Variants in MAPK10 observed in about 807,000 individuals in gnomAD.
MAPK10 encodes the protein mitogen-activated protein kinase 10.
MAPK10 carries 25 observed loss-of-function variants against 59.3 expected under a neutral mutation model. The observed-to-expected ratio is 0.42, with a 90% CI of 0.31 to 0.59. The LOEUF is 0.59. Ranked by LOEUF, MAPK10 falls within the 20% of genes least tolerant of loss-of-function variation. MAPK10 has a pLI of 0.15. For synonymous variants in MAPK10, 190 were observed against 200.5 expected (o/e 0.95, Z 0.44); for missense variants, 351 against 568.9 (o/e 0.62, Z 3.90).
chr4:86,111,137 G>A (rs1282369317), intron 4 of MAPK10, among the ~76,000 whole-genome samples: 1 of 152,150 alleles, frequency 6.6e-6, no homozygotes, highest in Non-Finnish European at 1.5e-5. Context: ...TGAGATTATG[G>A]TGTTTTCTAG....
chr4:86,342,484 G>A (rs1725570332), intron 2 of MAPK10, among the ~76,000 whole-genome samples: 1 of 152,094 alleles, frequency 6.6e-6, no homozygotes, highest in South Asian at 2.1e-4. Context: ...AAAAGAACCT[G>A]GCAAACATTC....
intron 4 of MAPK10, among the ~76,000 whole-genome samples, chr4:86,157,151 A>G (rs1444918688): frequency 6.6e-6 from 1 of 152,016 alleles, no homozygotes; most frequent in Non-Finnish European, 1.5e-5. Flanking sequence ...GTAAGAAATA[A>G]AACAGTCCAA....
chr4:86,305,074 A>G (rs1009020838), intron 2 of MAPK10, among the ~76,000 whole-genome samples: 2 of 152,236 alleles, frequency 1.3e-5, no homozygotes, highest in Non-Finnish European at 2.9e-5. Context: ...CAAACAAAAA[A>G]TATATGGTAC....
chr4:86,369,158 C>A (rs977388005), intron 1 of MAPK10, among the ~76,000 whole-genome samples: 7 of 152,288 alleles, frequency 4.6e-5, no homozygotes, highest in South Asian at 4.1e-4. Context: ...TTCCTGCAAC[C>A]TTTAATGGGG....
intron 9 of MAPK10, among the ~76,000 whole-genome samples, chr4:86,076,151 G>T (rs147880740): frequency 2.0e-5 from 3 of 152,270 alleles, no homozygotes; most frequent in African/African-American, 7.2e-5. Context: ...GGAGTGACCC[G>T]ATTTTCCAGG....
chr4:86,172,863 A>G (rs957321064), intron 3 of MAPK10, among the ~76,000 whole-genome samples: 13 of 152,112 alleles, frequency 8.5e-5, no homozygotes, highest in African/African-American at 3.1e-4. Flanking sequence ...ACTTCCATTC[A>G]CAATTGCTAC....
chr4:86,558,291 A>G (rs1026963723), intron 1 of MAPK10, among the ~76,000 whole-genome samples: 1 of 152,130 alleles, frequency 6.6e-6, no homozygotes, highest in Non-Finnish European at 1.5e-5. Context: ...ATTTTCCATC[A>G]ATAGACAAGT....
intron 1 of MAPK10, among the ~76,000 whole-genome samples, chr4:86,537,223 A>T (rs1460925918): frequency 6.6e-6 from 1 of 152,204 alleles, no homozygotes; most frequent in Non-Finnish European, 1.5e-5. Flanking sequence ...GAACTGATCA[A>T]ATAAGTAAAA....
upstream of MAPK10, among the ~76,000 whole-genome samples, chr4:86,362,296 AC>A (rs2148985680): frequency 6.6e-6 from 1 of 152,202 alleles, no homozygotes; most frequent in South Asian, 2.1e-4. Flanking sequence ...TGAATTGTAC[AC>A]CTCAACATAA....
At chr4:86,406,764 G>C (rs1744412957) in intron 1 of MAPK10, among the ~76,000 whole-genome samples, 1 of 152,212 alleles carries the variant, frequency 6.6e-6, no homozygotes. Context: ...TGACAGGCTG[G>C]ACAGGAGAAC....
intron 2 of MAPK10, among the ~76,000 whole-genome samples, chr4:86,302,045 C>A (rs1162447390): frequency 6.6e-6 from 1 of 151,698 alleles, no homozygotes; most frequent in Non-Finnish European, 1.5e-5. Context: ...AAAAAAAAAT[C>A]CAGTTGCAAT....
At chr4:86,301,100 C>T (rs2095464686) in intron 2 of MAPK10, among the ~76,000 whole-genome samples, 2 of 152,014 alleles carry the variant, frequency 1.3e-5, no homozygotes, top group Admixed American at 1.3e-4. Flanking sequence ...TCACAGTATT[C>T]CTGGCCTCTA....
At chr4:86,494,719 T>G (rs1440495439) in intron 1 of MAPK10, among the ~76,000 whole-genome samples, 2 of 151,634 alleles carry the variant, frequency 1.3e-5, no homozygotes, top group South Asian at 2.1e-4. Flanking sequence ...GGCGGGTGCC[T>G]GCAGTCCCAG....
chr4:86,140,192 C>T (rs2063306463), intron 4 of MAPK10, among the ~76,000 whole-genome samples: 1 of 140,424 alleles, frequency 7.1e-6, no homozygotes, highest in Non-Finnish European at 1.5e-5. Flanking sequence ...GGTATATGCC[C>T]AAAGGACTAT....
chr4:86,529,070 A>G lies in MAPK10; in HGVS notation c.-263+64840T>C, dbSNP rs77744932. ...GACCTCCTTTGGGATTGGGAAAGGG[A>G]GAAAGGAGAAAACAAAAAGGAAGCA... is the stretch of plus-strand genomic sequence containing the variant. On this transcript the variant is annotated intron_variant, in intron 1 of 4. Transcript: ENST00000502302. 9.6e-3 allele frequency among the ~76,000 whole-genome samples: 1,456 copies of G among 152,282 alleles called. 31 individuals are homozygous for G. Among genetic ancestry groups the G allele is most frequent in the African/African-American group, 0.033 (1,350 of 41,534 alleles).
chr4:86,453,791 C>T (rs1457248185), upstream of MAPK10, among the ~76,000 whole-genome samples: 3 of 152,168 alleles, frequency 2.0e-5, no homozygotes, highest in African/African-American at 4.8e-5. Flanking sequence ...CACCACCTCC[C>T]GGCAGGAGGC....
intron 1 of MAPK10, among the ~76,000 whole-genome samples, chr4:86,558,402 T>A (rs1310739008): frequency 6.6e-6 from 1 of 152,142 alleles, no homozygotes; most frequent in East Asian, 1.9e-4. Flanking sequence ...CTTAATTAAT[T>A]CTCACCACAC....
chr4:86,149,760 A>G (rs941527480), intron 4 of MAPK10, among the ~76,000 whole-genome samples: 1 of 152,184 alleles, frequency 6.6e-6, no homozygotes, highest in Non-Finnish European at 1.5e-5. Context: ...CTGTGCATAC[A>G]TAGTTATTTC....
intron 4 of MAPK10, among the ~76,000 whole-genome samples, chr4:86,122,415 C>A (rs1294048505): frequency 6.6e-6 from 1 of 152,048 alleles, no homozygotes; most frequent in Non-Finnish European, 1.5e-5. Context: ...TTAACTGGAC[C>A]ACTTCCACCT....
Sources: gnomAD v4.1 joint callset for allele counts (sites outside exome capture counted in the v4.1 genomes callset) on GRCh38, gnomAD v4.1.1 for gene constraint, MANE v1.5 for transcripts, NCBI Gene and HGNC (gene_info 2026-07-23, HGNC 2026-07-21) for gene names.